NEDD4L: variants seen among roughly 807,000 people sequenced by gnomAD.
NEDD4L encodes NEDD4 like E3 ubiquitin protein ligase.
Under a neutral mutation model 148.9 loss-of-function variants are expected in NEDD4L, and 54 were observed. The ratio of observed to expected loss-of-function variants is 0.36; its 90% confidence interval spans 0.29 to 0.45. The LOEUF (loss-of-function observed/expected upper bound fraction) is 0.45, where lower values mean the gene tolerates loss of function less well. NEDD4L is among the 20% of genes least tolerant of loss of function. NEDD4L has a pLI of 1.00. For missense variants in NEDD4L, 856 were observed against 1,233.8 expected (o/e 0.69, Z 4.59); for synonymous variants, 433 against 440.7 (o/e 0.98, Z 0.22).
chr18:58,157,881 G>T (rs571535374), intron 1 of NEDD4L, among the ~76,000 whole-genome samples: 38 of 152,304 alleles, frequency 2.5e-4, no homozygotes, highest in African/African-American at 7.9e-4. Flanking sequence ...ATTGCATTGG[G>T]TTTTTCACAA....
At chr18:58,335,352 G>A (rs2041595547) in intron 12 of NEDD4L, 126 bp from the exon 13 acceptor site, 1 of 723,294 alleles carries the variant, frequency 1.4e-6, no homozygotes. Flanking sequence ...TCTGGATAGG[G>A]TGGGTTTCAG....
intron 1 of NEDD4L, among the ~76,000 whole-genome samples, chr18:58,112,309 C>T (rs1052397923): frequency 6.6e-6 from 1 of 152,064 alleles, no homozygotes; most frequent in Non-Finnish European, 1.5e-5. Flanking sequence ...CCAAAAATTA[C>T]ATCCTATCTC....
At chr18:58,247,292 G>A (rs2148441992) in intron 3 of NEDD4L, 1 of 152,236 alleles carries the variant, frequency 6.6e-6, no homozygotes, top group South Asian at 2.1e-4. Flanking sequence ...CTTGGCATTG[G>A]GACTGGCATT....
intron 2 of NEDD4L, among the ~76,000 whole-genome samples, chr18:58,229,979 A>G (rs886942560): frequency 6.6e-6 from 1 of 152,114 alleles, no homozygotes; most frequent in African/African-American, 2.4e-5. Flanking sequence ...ACAGAGTGAG[A>G]CTCTGTCTCA....
chr18:58,366,845 G>A lies in NEDD4L; in HGVS notation c.2063+617G>A, dbSNP rs779799843. On this transcript the variant is annotated intron_variant, in intron 21 of 30. Transcript: ENST00000400345. The surrounding 1 kb of genome is among the most constrained non-coding windows in gnomAD (Gnocchi z 4.2). ...CCAAGCCCCCAGTAGAATAGTCATT[G>A]ACCTTGCTGAAGGGCATTTGTCATC... 6.6e-6 allele frequency among the ~76,000 whole-genome samples: 1 copy of A among 152,140 alleles called. No homozygotes were observed. Among genetic ancestry groups the A allele is most frequent in the Admixed American group, 6.5e-5 (1 of 15,286 alleles).
rs991844120 is a variant in NEDD4L at position 58,330,892 on chromosome 18, G to T, written c.968G>T (p.Gly323Val). 1.2e-6 allele frequency: 2 copies of T among 1,613,722 alleles called. No individual in the cohort carries two copies. The highest frequency in any genetic ancestry group is 2.7e-5 in the African/African-American group (2 of 74,914). The change falls in exon 11 of 31, where the codon GGG becomes GTG. Residue 323 changes from glycine to valine, a missense_variant. Coordinates refer to ENST00000400345, the MANE Select transcript of NEDD4L (RefSeq NM_001144967.3). ...CTTCAGATCACTCCAGACTCCAATG[G>T]GGAACAGTTCAGCTCTTTGATTGTA... ...RRLQITPDSN[G>V]EQFSSLIQRE... is the part of the protein sequence containing the mutation.
At chr18:58,386,995 G>C (rs552659316) in intron 26 of NEDD4L, among the ~76,000 whole-genome samples, 144 of 152,232 alleles carry the variant, frequency 9.5e-4, no homozygotes, top group African/African-American at 3.4e-3. Flanking sequence ...TGGTACCTGG[G>C]AACTGGAGCA....
chr18:58,370,531 G>T (rs2046721483), intron 23 of NEDD4L, 64 bp downstream of exon 23: 2 of 1,072,864 alleles, frequency 1.9e-6, no homozygotes, highest in East Asian at 4.7e-5. Flanking sequence ...GAAGGTATTG[G>T]AGAGCCATAT....
chr18:58,110,257 G>T (rs1156287853), intron 1 of NEDD4L, among the ~76,000 whole-genome samples: 1 of 152,220 alleles, frequency 6.6e-6, no homozygotes, highest in Non-Finnish European at 1.5e-5. Context: ...CCAGCCATGG[G>T]AGTCAATCCA....
At chr18:58,177,206 G>A (rs1220668765) in intron 2 of NEDD4L, among the ~76,000 whole-genome samples, 1 of 151,982 alleles carries the variant, frequency 6.6e-6, no homozygotes, top group Non-Finnish European at 1.5e-5. Flanking sequence ...TGAATCTGGA[G>A]TCTTTGTCTT....
intron 1 of NEDD4L, among the ~76,000 whole-genome samples, chr18:58,049,741 C>T (rs1320942813): frequency 6.6e-6 from 1 of 152,000 alleles, no homozygotes; most frequent in Admixed American, 6.6e-5. Flanking sequence ...TTTTGGGAGG[C>T]CGAGGCAGGA....
At chr18:58,274,350 C>A (rs909751364) in intron 5 of NEDD4L, among the ~76,000 whole-genome samples, 1 of 152,144 alleles carries the variant, frequency 6.6e-6, no homozygotes, top group Non-Finnish European at 1.5e-5. Context: ...AACATTTAGT[C>A]CTGGGAGGTT....
chr18:58,072,434 A>C (rs906684366), intron 1 of NEDD4L, among the ~76,000 whole-genome samples: 3 of 152,224 alleles, frequency 2.0e-5, no homozygotes, highest in African/African-American at 7.2e-5. Flanking sequence ...ACCATACCAA[A>C]ACCACTCAAT....
chr18:58,147,350 G>T (rs537497039), intron 1 of NEDD4L, among the ~76,000 whole-genome samples: 54 of 152,040 alleles, frequency 3.6e-4, no homozygotes, highest in African/African-American at 1.3e-3. Context: ...ATGCTGGGGG[G>T]CACTTTCCCT....
chr18:58,074,126 A>G (rs903077020), intron 1 of NEDD4L, among the ~76,000 whole-genome samples: 5 of 152,162 alleles, frequency 3.3e-5, no homozygotes, highest in African/African-American at 7.2e-5. Flanking sequence ...TAAAAGGGCA[A>G]TGTGAGCTGT....
At chr18:58,384,924 T>G (rs893883208) in intron 25 of NEDD4L, among the ~76,000 whole-genome samples, 1 of 152,234 alleles carries the variant, frequency 6.6e-6, no homozygotes, top group Non-Finnish European at 1.5e-5. Flanking sequence ...CGCAGGGAAC[T>G]TGGTTTTGGT....
chr18:58,356,724 C>T (rs2044715927), intron 18 of NEDD4L, among the ~76,000 whole-genome samples: 1 of 152,020 alleles, frequency 6.6e-6, no homozygotes, highest in Non-Finnish European at 1.5e-5. Context: ...TTGTTCAATG[C>T]AGGATTCTTA....
chr18:58,343,882 A>G (rs190010), intron 16 of NEDD4L, among the ~76,000 whole-genome samples: 2,972 of 152,272 alleles, frequency 0.02, 103 homozygotes, highest in African/African-American at 0.067. Context: ...TTTTCCTGCT[A>G]TATAATCTCT....
chr18:58,063,579 T>TG (rs573676580), intron 1 of NEDD4L, among the ~76,000 whole-genome samples: 17 of 151,738 alleles, frequency 1.1e-4, no homozygotes, highest in Non-Finnish European at 2.2e-4. Context: ...CTTTTTTTTT[T>TG]TTTTGAGACA....
Sources: allele counts gnomAD v4.1 joint callset (sites outside exome capture counted in the v4.1 genomes callset), GRCh38; gene constraint gnomAD v4.1.1; non-coding constraint Gnocchi (gnomAD v3.1); transcripts MANE v1.5; gene names NCBI Gene and HGNC (gene_info 2026-07-23, HGNC 2026-07-21).